Variants in MYRF observed in about 807,000 individuals in gnomAD.
MYRF encodes myelin regulatory factor.
Under a neutral mutation model 126.3 loss-of-function variants are expected in MYRF, and 16 were observed. That is an observed-to-expected ratio of 0.13 (90% CI 0.09 to 0.19). The LOEUF is 0.19. Among genes scored for constraint, MYRF ranks in the 10% least tolerant of loss-of-function variants. The pLI, the probability that MYRF is intolerant of heterozygous loss-of-function variation, is 1.00. For synonymous variants in MYRF, 608 were observed against 635.3 expected, an observed-to-expected ratio of 0.96 and a Z score of 0.65; for missense variants, 1,104 against 1,547.0, an observed-to-expected ratio of 0.71 and a Z score of 4.80.
At position 61,780,968 on chromosome 11, in the gene MYRF, A is replaced by G. The variant is rs1243333142; in HGVS notation, c.2495A>G (p.Gln832Arg). Residue 832 changes from glutamine (Q) to arginine (R), a missense_variant, in exon 20 of 27, where the codon CAG becomes CGG. This residue lies in a region of MYRF where 323 missense variants were observed against 383.1 expected (regional missense o/e 0.84). Coordinates refer to ENST00000278836, the MANE Select transcript of MYRF (RefSeq NM_001127392.3). ...CCATCCTTCCCCAGCAGGTCCAGCC[A>G]GAGCTTTGGGACCACGCAGCTCCGA... ...GSEALCPWSS[Q>R]SFGTTQLRQS... 1.2e-5 allele frequency: 20 copies of G among 1,609,736 alleles called. No homozygotes were observed. The highest frequency in any genetic ancestry group is 4.0e-5 in the African/African-American group (3 of 74,912).
chr11:61,765,315 C>G (rs1475238908), intron 1 of MYRF, among the ~76,000 whole-genome samples: 3 of 152,338 alleles, frequency 2.0e-5, no homozygotes, highest in African/African-American at 7.2e-5. Context: ...GACTTGTTCC[C>G]TGTCACACAG....
chr11:61,783,337 G>GA lies in MYRF; in HGVS notation c.3017-158dup. The GA allele has an allele frequency of 1.6e-6, 1 of 634,850 alleles. No homozygotes were observed. The highest frequency in any genetic ancestry group is 2.8e-6 in the Non-Finnish European group (1 of 351,052). 39.3% of individuals were successfully genotyped at this position (634,850 alleles called of 1,614,324 possible). The stretch of plus-strand genomic sequence containing the variant: ...ACTGGGTAGTCCTAGGGCTGCTGAG[G>GA]AAAGGGTGTAGTGTGATGCTGGCCA... On this transcript the variant is annotated intron_variant, in intron 22 of 26. Coordinates refer to ENST00000278836, the MANE Select transcript of MYRF (RefSeq NM_001127392.3). This position sits in a 1 kb window ranked among gnomAD's most constrained non-coding sequence, Gnocchi z 4.6.
rs762760835 is a variant in MYRF, at chr11:61,781,751, T to C, written c.2943T>C (p.His981=). 4 of 1,611,746 alleles carry C rather than the reference T, an allele frequency of 2.5e-6. No homozygotes were observed. The highest frequency in any genetic ancestry group is 1.7e-4 in the Middle Eastern group (1 of 6,050). Residue 981 remains histidine (H), a synonymous_variant, in exon 22 of 27, where the codon CAT becomes CAC. Transcript: ENST00000278836. ...KAKNSPSLGF[H]GRARRGALQS... is the part of the protein sequence containing the mutation. Reference sequence around the variant, plus strand: ...AGAACAGTCCCAGCCTTGGTTTCCATGGCCGGGCCCGCCGAGGGGCCCTCC... The same window carrying C: ...AGAACAGTCCCAGCCTTGGTTTCCACGGCCGGGCCCGCCGAGGGGCCCTCC...
intron 14 of MYRF, 107 bp from the exon 15 acceptor site, chr11:61,779,156 G>A (rs1344548891): frequency 7.9e-7 from 1 of 1,272,128 alleles, no homozygotes; most frequent in Non-Finnish European, 1.1e-6. Flanking sequence ...AGTGGCCAAG[G>A]ACAGTGGCCG....
At chr11:61,780,082 C>A (rs410742) in intron 17 of MYRF, 140 bp from the exon 18 acceptor site, 1 of 1,225,296 alleles carries the variant, frequency 8.2e-7, no homozygotes. Flanking sequence ...GCCTTTCTGC[C>A]TCTTCCCCTC....
At position 61,783,686 on chromosome 11, in the gene MYRF, C is replaced by A; in HGVS notation, c.3119+86C>A. The A allele has an allele frequency of 7.1e-7, 1 of 1,409,962 alleles. No individual in the cohort carries two copies. 87.3% of individuals were successfully genotyped at this position (1,409,962 alleles called of 1,614,324 possible). A position where few individuals can be genotyped will look rare whatever the true frequency, so the allele number is the denominator to read the frequency against. ...ACAGATCACCCGGAACTTGCCCTTT[C>A]AGGGAGGAGCCTCCCCCATAAGGAA... On this transcript the variant is annotated intron_variant, in intron 23 of 26. Transcript: ENST00000278836. This position sits in a 1 kb window ranked among gnomAD's most constrained non-coding sequence, Gnocchi z 4.6.
At chr11:61,755,382 C>G in intron 1 of MYRF, 1 of 1,592,158 alleles carries the variant, frequency 6.3e-7, no homozygotes, top group Non-Finnish European at 8.6e-7. Context: ...CAGCCCAGAT[C>G]GGCGGGCACA....
chr11:61,762,597 G>A (rs900084285), intron 1 of MYRF, among the ~76,000 whole-genome samples: 3 of 152,164 alleles, frequency 2.0e-5, no homozygotes, highest in Admixed American at 6.5e-5. Context: ...CCCTGTCCTG[G>A]GTTCTTGGGG....
chr11:61,777,924 G>A lies in MYRF; in HGVS notation c.1903+79G>A. ...TCAGTGACCTTGCCCCCTGTCACCT[G>A]GAAATCCTACTCCTCTTGACTCCCG... On this transcript the variant is annotated intron_variant, in intron 13 of 26. Coordinates refer to ENST00000278836, the MANE Select transcript of MYRF (RefSeq NM_001127392.3). The surrounding 1 kb of genome is among the most constrained non-coding windows in gnomAD (Gnocchi z 8.8). 8.7e-7 allele frequency: 1 copy of A among 1,149,766 alleles called. No individual in the cohort carries two copies. The highest frequency in any genetic ancestry group is 2.6e-5 in the East Asian group (1 of 39,002). The allele number at this position is 1,149,766 out of a possible 1,614,324, so 71.2% of individuals were successfully genotyped here.
chr11:61,773,844 T>TCACCAA, intron 7 of MYRF, 123 bp from the exon 8 acceptor site: 2 of 753,600 alleles, frequency 2.7e-6, no homozygotes, highest in Non-Finnish European at 4.2e-6. Context: ...GCAGCCGCAT[T>TCACCAA]GGTGGTTTGA....
chr11:61,779,690 T>C, intron 16 of MYRF, 120 bp downstream of exon 16: 1 of 1,217,822 alleles, frequency 8.2e-7, no homozygotes, highest in Non-Finnish European at 1.1e-6. Context: ...TGTGACTCTG[T>C]AGCCCTCCCA....
At position 61,755,310 on chromosome 11, in the gene MYRF, C is replaced by T; in HGVS notation, c.46+2520C>T. 4 of 1,507,858 alleles carry T rather than the reference C, an allele frequency of 2.7e-6. No individual in the cohort carries two copies. In the South Asian group the frequency reaches 4.9e-5, roughly 18 times the overall value. 93.4% of individuals were successfully genotyped at this position (1,507,858 alleles called of 1,614,324 possible). Reference sequence around the variant, plus strand: ...TGGGAGGCCGGGACAGAGCGGCCCCCTCGAGGCTGGTACAGCCGGGCCCCC... The same window carrying T: ...TGGGAGGCCGGGACAGAGCGGCCCCTTCGAGGCTGGTACAGCCGGGCCCCC... On this transcript the variant is annotated intron_variant, in intron 1 of 26. Coordinates refer to ENST00000278836, the MANE Select transcript of MYRF (RefSeq NM_001127392.3).
At position 61,764,038 on chromosome 11, in the gene MYRF, C is replaced by T. The variant is rs569826278; in HGVS notation, c.47-1587C>T. Among the ~76,000 whole-genome samples, 149 of 152,294 alleles carry T rather than the reference C, an allele frequency of 9.8e-4. 1 individual carries two copies. The highest frequency in any genetic ancestry group is 3.9e-3 in the Admixed American group (59 of 15,300). ...GCACACAGACTGGCCACGCCCAGCT[C>T]GAGAAGCTGCTCTTGCCCCGGCCAC... On this transcript the variant is annotated intron_variant, in intron 1 of 26. Coordinates refer to ENST00000278836, the MANE Select transcript of MYRF (RefSeq NM_001127392.3).
intron 1 of MYRF, among the ~76,000 whole-genome samples, chr11:61,753,263 C>G (rs1043992273): frequency 6.6e-6 from 1 of 151,862 alleles, no homozygotes; most frequent in African/African-American, 2.4e-5. Context: ...ATCTGTGACC[C>G]CCGCCTAGAG....
chr11:61,777,021 C>T lies in MYRF; in HGVS notation c.1590+144C>T, dbSNP rs2066403244. On this transcript the variant is annotated intron_variant, in intron 11 of 26. Coordinates refer to ENST00000278836, the MANE Select transcript of MYRF (RefSeq NM_001127392.3). The surrounding 1 kb of genome is among the most constrained non-coding windows in gnomAD (Gnocchi z 8.8). ...GCTGTGTGGCCTTGGGCAAAGCTCC[C>T]ACCCTCTCTGGGCTGCAGGGTCTCC... 1 of 845,676 alleles carries T rather than the reference C, an allele frequency of 1.2e-6. No individual in the cohort carries two copies. Among genetic ancestry groups the T allele is most frequent in the Non-Finnish European group, 1.8e-6 (1 of 552,778 alleles). The allele number at this position is 845,676 out of a possible 1,614,324, so 52.4% of individuals were successfully genotyped here.
Position 61,779,325 on chromosome 11 carries a change from G to A in MYRF, c.2076G>A (p.Leu692=), listed in dbSNP as rs774892511. 8.7e-5 allele frequency: 135 copies of A among 1,550,680 alleles called. No homozygotes were observed. The highest frequency in any genetic ancestry group is 1.1e-4 in the Non-Finnish European group (127 of 1,146,920). ...VKELCKLTDN[L]ETRIDELERW... ...AGCTGTGCAAGCTGACAGACAACCT[G>A]GAGACGCGCATTGATGAGCTGGAGC... Residue 692 remains leucine, a synonymous_variant, in exon 15 of 27, where the codon CTG becomes CTA. Coordinates refer to ENST00000278836, the MANE Select transcript of MYRF (RefSeq NM_001127392.3).
Position 61,783,993 on chromosome 11 carries a change from AACAGCCGAGTCTGAGG to A in MYRF, c.3194+76_3194+91del, listed in dbSNP as rs1345740026. ...GGGAGAATCTCCCGCAGAGCCTCAG[AACAGCCGAGTCTGAGG>A]ACAGCCGGAGAGTCTCTGGTATTTC... On this transcript the variant is annotated intron_variant, in intron 24 of 26. Transcript: ENST00000278836. This position sits in a 1 kb window ranked among gnomAD's most constrained non-coding sequence, Gnocchi z 4.6. 6.6e-7 allele frequency: 1 copy of A among 1,517,898 alleles called. No homozygotes were observed. The highest frequency in any genetic ancestry group is 1.4e-5 in the African/African-American group (1 of 72,716). The allele number at this position is 1,517,898 out of a possible 1,614,324, so 94.0% of individuals were successfully genotyped here.
intron 8 of MYRF, among the ~76,000 whole-genome samples, chr11:61,775,272 G>A (rs2066344523): frequency 6.6e-6 from 1 of 152,088 alleles, no homozygotes; most frequent in Non-Finnish European, 1.5e-5. Flanking sequence ...GCACCACGGG[G>A]GCCTTGGGGG....
intron 1 of MYRF, among the ~76,000 whole-genome samples, chr11:61,763,212 G>A (rs571578615): frequency 4.3e-4 from 65 of 152,346 alleles, no homozygotes; most frequent in African/African-American, 1.5e-3. Flanking sequence ...CGTGGAGTCA[G>A]ACCCCTGCAC....
Sources: allele counts gnomAD v4.1 joint callset (sites outside exome capture counted in the v4.1 genomes callset), GRCh38; gene constraint gnomAD v4.1.1; regional missense constraint gnomAD v4.1.1; non-coding constraint Gnocchi (gnomAD v3.1); transcripts MANE v1.5; gene names NCBI Gene and HGNC (gene_info 2026-07-23, HGNC 2026-07-21).